The following WDR64 variants were observed in gnomAD, a reference collection of about 807,000 sequenced individuals.
WDR64 encodes WD repeat-containing protein 64.
In WDR64, 112 loss-of-function variants were observed where a neutral mutation model predicts 139.3. The ratio of observed to expected loss-of-function variants is 0.80; its 90% CI spans 0.69 to 0.94. The LOEUF is 0.94. Among genes scored for constraint, WDR64 ranks in the 40% least tolerant of loss-of-function variants. The pLI is 0.00. For missense variants in WDR64, 1,206 were observed against 1,293.1 expected (o/e 0.93, Z 1.03); for synonymous variants, 444 against 437.7 (o/e 1.01, Z -0.18).
At chr1:241,728,980 A>T (rs1380289058) in intron 10 of WDR64, among the ~76,000 whole-genome samples, 1 of 152,200 alleles carries the variant, frequency 6.6e-6, no homozygotes. Flanking sequence ...GTGAGTGTGC[A>T]TATCTTCAAA....
intron 8 of WDR64, among the ~76,000 whole-genome samples, chr1:241,706,229 CCGCCACA>C (rs1413168963): frequency 6.6e-6 from 1 of 152,222 alleles, no homozygotes. Context: ...CTGGAGGAAC[CCGCCACA>C]GAGTGGCAAG....
At chr1:241,774,873 T>C (rs1237294751) in intron 20 of WDR64, among the ~76,000 whole-genome samples, 1 of 151,998 alleles carries the variant, frequency 6.6e-6, no homozygotes, top group Non-Finnish European at 1.5e-5. Flanking sequence ...TACTCAAGAG[T>C]CTAGATGCTT....
chr1:241,784,258 T>C (rs565477059), intron 23 of WDR64, among the ~76,000 whole-genome samples: 36 of 152,164 alleles, frequency 2.4e-4, no homozygotes, highest in Non-Finnish European at 4.3e-4. Context: ...TATGACCTGA[T>C]TTATATTTTT....
At chr1:241,779,346 G>A (rs1658766416) in intron 21 of WDR64, among the ~76,000 whole-genome samples, 1 of 151,970 alleles carries the variant, frequency 6.6e-6, no homozygotes, top group South Asian at 2.1e-4. Context: ...TGTAGTCATT[G>A]TTGCTCTTTG....
At chr1:241,749,835 G>A (rs1490491263) in intron 14 of WDR64, 113 bp downstream of exon 14, 2 of 1,221,694 alleles carry the variant, frequency 1.6e-6, no homozygotes, top group East Asian at 2.4e-5. Flanking sequence ...GCTGAAGATG[G>A]TATTTATCCT....
Position 241,686,844 on chromosome 1 carries a change from T to C in WDR64, c.840-617T>C, listed in dbSNP as rs527289870. ...AGATATAAAAGAATATGAAGCATAC[T>C]GCTCCATTTGGATCATTAGAAATTT... On this transcript the variant is annotated intron_variant, in intron 7 of 27. Coordinates refer to ENST00000437684, the MANE Select transcript of WDR64 (RefSeq NM_001367482.1). 2.2e-4 allele frequency among the ~76,000 whole-genome samples: 33 copies of C among 152,350 alleles called. 1 individual carries two copies. The South Asian group carries it at 6.6e-3, about 31-fold the overall frequency.
chr1:241,789,065 C>T (rs1481917826), intron 24 of WDR64, among the ~76,000 whole-genome samples: 1 of 152,016 alleles, frequency 6.6e-6, no homozygotes, highest in Non-Finnish European at 1.5e-5. Flanking sequence ...GTTCATAGCT[C>T]AGTGCTCACC....
chr1:241,752,507 G>A, intron 14 of WDR64, among the ~76,000 whole-genome samples: 1 of 152,184 alleles, frequency 6.6e-6, no homozygotes, highest in East Asian at 1.9e-4. Flanking sequence ...CAGAAAGTCT[G>A]AGAGCCACTG....
chr1:241,718,350 G>A (rs549522585), intron 9 of WDR64, among the ~76,000 whole-genome samples: 10 of 152,152 alleles, frequency 6.6e-5, no homozygotes, highest in African/African-American at 1.4e-4. Context: ...TAGGGAAGGC[G>A]CTGCGGAGAG....
chr1:241,783,091 G>T (rs932872687), intron 22 of WDR64, among the ~76,000 whole-genome samples, 181 bp from the exon 23 acceptor site: 1 of 152,124 alleles, frequency 6.6e-6, no homozygotes, highest in South Asian at 2.1e-4. Context: ...TTAAAAACAG[G>T]ACTTCTTGTA....
intron 13 of WDR64, among the ~76,000 whole-genome samples, chr1:241,745,908 A>C (rs1669738675): frequency 6.6e-6 from 1 of 152,164 alleles, no homozygotes; most frequent in Non-Finnish European, 1.5e-5. Flanking sequence ...AGCTCCACTA[A>C]ATCTGACTGC....
In WDR64 at chr1:241,652,396, G is replaced by A. The variant is rs1665394663; in HGVS notation, c.-89G>A. The A allele has an allele frequency of 1.5e-6, 2 of 1,363,486 alleles. No homozygotes were observed. The highest frequency in any genetic ancestry group is 1.5e-5 in the African/African-American group (1 of 68,282). The allele number at this position is 1,363,486 out of a possible 1,614,324, so 84.5% of individuals were successfully genotyped here. A position where few individuals can be genotyped will look rare whatever the true frequency, so the allele number is the denominator to read the frequency against. On this transcript the variant is annotated 5_prime_UTR_variant, in exon 1 of 28. Coordinates refer to ENST00000437684, the MANE Select transcript of WDR64 (RefSeq NM_001367482.1). ...ACCTAGGGCAAAAACTGAGACAGCA[G>A]GGAGGCACTGTAACAACTGGAAAGT...
At chr1:241,746,385 A>G (rs553982111) in intron 13 of WDR64, among the ~76,000 whole-genome samples, 4 of 152,338 alleles carry the variant, frequency 2.6e-5, no homozygotes, top group African/African-American at 9.6e-5. Flanking sequence ...AGAAATAGGC[A>G]TTCCACAACT....
At chr1:241,680,255 G>A (rs1666726680) in intron 6 of WDR64, among the ~76,000 whole-genome samples, 1 of 152,198 alleles carries the variant, frequency 6.6e-6, no homozygotes, top group Non-Finnish European at 1.5e-5. Flanking sequence ...GAAGGACATG[G>A]AGGATTAAGA....
At chr1:241,662,942 C>A (rs1002458344) in intron 2 of WDR64, among the ~76,000 whole-genome samples, 3 of 151,982 alleles carry the variant, frequency 2.0e-5, no homozygotes, top group African/African-American at 7.3e-5. Flanking sequence ...ATACAAAATT[C>A]TCATTATTTG....
intron 2 of WDR64, among the ~76,000 whole-genome samples, chr1:241,665,592 A>T (rs1424330296): frequency 6.6e-6 from 1 of 152,238 alleles, no homozygotes; most frequent in Non-Finnish European, 1.5e-5. Flanking sequence ...TGAAATTCAT[A>T]GAATAATGAA....
At chr1:241,727,883 A>G (rs942274888) in intron 10 of WDR64, among the ~76,000 whole-genome samples, 6 of 152,016 alleles carry the variant, frequency 3.9e-5, no homozygotes, top group African/African-American at 1.2e-4. Context: ...CTACAAAAAC[A>G]AAGAAAAAGA....
At chr1:241,755,881 G>T (rs1402989423) in intron 14 of WDR64, among the ~76,000 whole-genome samples, 1 of 152,146 alleles carries the variant, frequency 6.6e-6, no homozygotes, top group East Asian at 1.9e-4. Context: ...TAGATGTGTG[G>T]CATTATTCCT....
intron 12 of WDR64, 95 bp from the exon 13 acceptor site, chr1:241,744,298 C>G: frequency 6.7e-7 from 1 of 1,484,620 alleles, no homozygotes; most frequent in Non-Finnish European, 9.2e-7. Flanking sequence ...GTACAGAGTT[C>G]CATTTTTGAG....
Sources: allele counts gnomAD v4.1 joint callset (sites outside exome capture counted in the v4.1 genomes callset), GRCh38; gene constraint gnomAD v4.1.1; transcripts MANE v1.5; gene names NCBI Gene and HGNC (gene_info 2026-07-23, HGNC 2026-07-21).